USP36: variants seen among roughly 807,000 people sequenced by gnomAD.
The protein encoded by USP36 is ubiquitin carboxyl-terminal hydrolase 36.
Under a neutral mutation model 111.5 loss-of-function variants are expected in USP36, and 59 were observed. The ratio of observed to expected loss-of-function variants is 0.53; its 90% CI spans 0.43 to 0.66. The LOEUF is 0.66. Ranked by LOEUF, USP36 falls within the 30% of genes least tolerant of loss-of-function variation. The probability of loss-of-function intolerance (pLI) is 0.00; values close to 1 mark genes in which losing one functional copy is unlikely to be tolerated. For missense variants in USP36, 1,488 were observed against 1,468.0 expected (o/e 1.01, Z -0.22); for synonymous variants, 628 against 581.0 (o/e 1.08, Z -1.16).
At chr17:78,828,772 A>G in intron 5 of USP36, 125 bp downstream of exon 5, 2 of 938,872 alleles carry the variant, frequency 2.1e-6, no homozygotes, top group South Asian at 1.6e-5. Context: ...TGGCAGGCCA[A>G]AACGGAAGGA....
chr17:78,836,563 A>G (rs564840324), intron 2 of USP36, among the ~76,000 whole-genome samples, 191 bp from the exon 3 acceptor site: 1 of 152,192 alleles, frequency 6.6e-6, no homozygotes, highest in Non-Finnish European at 1.5e-5. Flanking sequence ...ATATTAGTTC[A>G]CATTTCCCCC....
At chr17:78,823,060 T>TC (rs1349709618) in intron 6 of USP36, 5 of 398,068 alleles carry the variant, frequency 1.3e-5, no homozygotes, top group Non-Finnish European at 2.2e-5. Context: ...ACACTTCCCC[T>TC]CCCACAGAAC....
chr17:78,796,115 C>G lies in USP36; in HGVS notation c.*1785G>C, dbSNP rs906928687. ...CCCAAGAGTTAACGAATGTATGTACCCCAGGAAAAGGTTTTACAGTTATCT... is the reference window on the plus strand; with the variant it reads ...CCCAAGAGTTAACGAATGTATGTACGCCAGGAAAAGGTTTTACAGTTATCT... On this transcript the variant is annotated 3_prime_UTR_variant, in exon 21 of 21. Coordinates refer to ENST00000449938, the MANE Select transcript of USP36 (RefSeq NM_001385174.1). 11 of 152,050 alleles carry G rather than the reference C, an allele frequency of 7.2e-5. No individual in the cohort carries two copies. The highest frequency in any genetic ancestry group is 3.3e-4 in the Admixed American group (5 of 15,266). 9.4% of individuals were successfully genotyped at this position (152,050 alleles called of 1,614,324 possible).
chr17:78,806,864 C>G (rs1021390487), intron 14 of USP36, 95 bp downstream of exon 14: 3 of 1,501,728 alleles, frequency 2.0e-6, no homozygotes, highest in East Asian at 4.5e-5. Flanking sequence ...GAGGCCAAAG[C>G]CCCCGGACAA....
chr17:78,821,218 A>C (rs2094310581), intron 7 of USP36, 157 bp from the exon 8 acceptor site: 1 of 642,608 alleles, frequency 1.6e-6, no homozygotes, highest in Non-Finnish European at 2.6e-6. Context: ...CCGAACAGAG[A>C]GCTCTCTTTC....
At chr17:78,826,920 C>G in intron 6 of USP36, 1 of 595,304 alleles carries the variant, frequency 1.7e-6, no homozygotes, top group Non-Finnish European at 3.0e-6. Context: ...ATGGTAAGAA[C>G]TGAATGCCCC....
In USP36 at chr17:78,803,562, C is replaced by T; in HGVS notation, c.2633G>A (p.Gly878Asp). 1 of 1,613,058 alleles carries T rather than the reference C, an allele frequency of 6.2e-7. No individual in the cohort carries two copies. The highest frequency in any genetic ancestry group is 8.5e-7 in the Non-Finnish European group (1 of 1,179,756). The change falls in exon 16 of 21, where the codon GGC becomes GAC. Residue 878 changes from glycine to aspartate, a missense_variant. Physicochemically the swap from Gly to Asp is moderately conservative, Grantham distance 94 (BLOSUM62 -1). Transcript: ENST00000449938. The surrounding 1 kb of genome is among the most constrained non-coding windows in gnomAD (Gnocchi z 4.6). ...QPGSPMYRRE[G>D]QAQLPAVRRQ... ...TCTGACAGCGGGCAGCTGTGCCTGG[C>T]CCTCCCTCCTGTACATGGGGCTCCC... is the stretch of plus-strand genomic sequence containing the variant.
chr17:78,837,687 G>A lies in USP36; in HGVS notation c.-10+900C>T, dbSNP rs1015472360. 2.0e-5 allele frequency among the ~76,000 whole-genome samples: 3 copies of A among 152,164 alleles called. No homozygotes were observed. The East Asian group carries it at 5.8e-4, about 29-fold the overall frequency. The stretch of plus-strand genomic sequence containing the variant: ...TTCCCAAACACAGCACAGACTATCT[G>A]AGTCACAATTTCAAAAATATGTCCC... On this transcript the variant is annotated intron_variant, in intron 2 of 20. Coordinates refer to ENST00000449938, the MANE Select transcript of USP36 (RefSeq NM_001385174.1).
intron 13 of USP36, among the ~76,000 whole-genome samples, chr17:78,810,688 AT>A (rs2145187474): frequency 6.6e-6 from 1 of 152,166 alleles, no homozygotes; most frequent in South Asian, 2.1e-4. Context: ...TTCAGCTTCT[AT>A]TTTCTTTAAT....
intron 3 of USP36, 102 bp downstream of exon 3, chr17:78,836,009 C>A: frequency 1.3e-6 from 2 of 1,509,810 alleles, no homozygotes; most frequent in Non-Finnish European, 1.8e-6. Flanking sequence ...AACTCTTTGA[C>A]CACATTCTCT....
rs1400043698 is a variant in USP36, at chr17:78,797,288, A to C, written c.*612T>G. ...CTGCTCTCCAGGACAGTTGAGAGCT[A>C]CTCACAAGGAAGGGGTGCACAGTAG... On this transcript the variant is annotated 3_prime_UTR_variant, in exon 21 of 21. Coordinates refer to ENST00000449938, the MANE Select transcript of USP36 (RefSeq NM_001385174.1). 6.6e-6 allele frequency: 1 copy of C among 152,182 alleles called. No homozygotes were observed. Among genetic ancestry groups the C allele is most frequent in the African/African-American group, 2.4e-5 (1 of 41,422 alleles). 9.4% of individuals were successfully genotyped at this position (152,182 alleles called of 1,614,324 possible). A position where few individuals can be genotyped will look rare whatever the true frequency, so the allele number is the denominator to read the frequency against.
intron 3 of USP36, 93 bp downstream of exon 3, chr17:78,836,018 C>G (rs1381105833): frequency 6.5e-7 from 1 of 1,531,810 alleles, no homozygotes; most frequent in Non-Finnish European, 8.8e-7. Flanking sequence ...ACCACATTCT[C>G]TTGTTTTTCC....
chr17:78,818,651 T>C lies in USP36; in HGVS notation c.1023+16A>G, dbSNP rs754993058. ...TGGCCCACGGAGCTGCCTGGGATGG[T>C]GTCACGAGCGCTCACCTTGGTGATC... On this transcript the variant is annotated intron_variant, in intron 10 of 20. Coordinates refer to ENST00000449938, the MANE Select transcript of USP36 (RefSeq NM_001385174.1). 8.1e-6 allele frequency: 13 copies of C among 1,611,668 alleles called. No individual in the cohort carries two copies. Among genetic ancestry groups the C allele is most frequent in the South Asian group, 2.2e-5 (2 of 91,036 alleles).
chr17:78,821,091 T>C, intron 7 of USP36, 30 bp from the exon 8 acceptor site: 2 of 1,576,270 alleles, frequency 1.3e-6, no homozygotes, highest in East Asian at 2.3e-5. Context: ...GTGGAGCAGG[T>C]GGGGCCTGGC....
In USP36 at chr17:78,798,486, CTGAAGTTTCTGGAAGGCGT is replaced by C; in HGVS notation, c.3287_3305del (p.Asn1096ArgfsTer9). ...TCACAGACCAGAAGTTCCGTCGAGT[CTGAAGTTTCTGGAAGGCGT>C]TGAAGTTTCTCCTCTTCTCTCTCTT... is the stretch of plus-strand genomic sequence containing the variant. On this transcript the variant is annotated frameshift_variant, in exon 20 of 21. Coordinates refer to ENST00000449938, the MANE Select transcript of USP36 (RefSeq NM_001385174.1). LOFTEE classifies it high-confidence loss of function. The surrounding 1 kb of genome is among the most constrained non-coding windows in gnomAD (Gnocchi z 5.1). The C allele has an allele frequency of 6.2e-7, 1 of 1,614,212 alleles. No homozygotes were observed. The highest frequency in any genetic ancestry group is 2.2e-5 in the East Asian group (1 of 44,874).
Position 78,798,917 on chromosome 17 carries a change from G to C in USP36, c.3231C>G (p.Asp1077Glu). ...GCATCACACATCATACCTTCCCTCGGTCAAACTCTTCGTCCCAGTCATCAA... is the reference window on the plus strand; with the variant it reads ...GCATCACACATCATACCTTCCCTCGCTCAAACTCTTCGTCCCAGTCATCAA... ...TVVDDWDEEF[D>E]RGKEKKIKKF... Residue 1077 changes from aspartate to glutamate, a missense_variant, in exon 19 of 21, where the codon GAC becomes GAG. Coordinates refer to ENST00000449938, the MANE Select transcript of USP36 (RefSeq NM_001385174.1). This position sits in a 1 kb window ranked among gnomAD's most constrained non-coding sequence, Gnocchi z 5.1. The C allele has an allele frequency of 6.2e-7, 1 of 1,613,978 alleles. No homozygotes were observed. The highest frequency in any genetic ancestry group is 8.5e-7 in the Non-Finnish European group (1 of 1,180,018).
At chr17:78,841,115 A>G (rs1300733020), upstream of USP36, 1 of 152,076 alleles carries the variant, frequency 6.6e-6, no homozygotes, top group Non-Finnish European at 1.5e-5. Context: ...GGGTCGGCCG[A>G]GCACACCTGG....
intron 11 of USP36, among the ~76,000 whole-genome samples, 193 bp from the exon 12 acceptor site, chr17:78,814,066 C>A (rs955531851): frequency 1.3e-5 from 2 of 152,136 alleles, no homozygotes; most frequent in Non-Finnish European, 2.9e-5. Flanking sequence ...GTGTGCTCTG[C>A]GTCCCAGTTC....
At position 78,818,703 on chromosome 17, in the gene USP36, C is replaced by T. The variant is rs144640900; in HGVS notation, c.987G>A (p.Lys329=). The T allele has an allele frequency of 1.6e-4, 259 of 1,613,840 alleles. No homozygotes were observed. The highest frequency in any genetic ancestry group is 2.0e-4 in the Non-Finnish European group (234 of 1,179,874). The part of the protein sequence containing the change: ...RTSNVLTLSL[K]RFANFSGGKI... ...TCCCCCCGCTGAAGTTGGCAAAGCG[C>T]TTGAGGGAAAGGGTTAAGACGTTGG... The change falls in exon 10 of 21, where the codon AAG becomes AAA. Residue 329 remains lysine (K), a synonymous_variant. Coordinates refer to ENST00000449938, the MANE Select transcript of USP36 (RefSeq NM_001385174.1).
Sources: allele counts gnomAD v4.1 joint callset (sites outside exome capture counted in the v4.1 genomes callset), GRCh38; gene constraint gnomAD v4.1.1; non-coding constraint Gnocchi (gnomAD v3.1); transcripts MANE v1.5; gene names NCBI Gene and HGNC (gene_info 2026-07-23, HGNC 2026-07-21).